The following ZNF681 variants were observed in gnomAD, a reference collection of about 807,000 sequenced individuals.
The protein encoded by ZNF681 is zinc finger protein 681, also known as hypothetical protein FLJ31526.
ZNF681 carries 37 observed loss-of-function variants against 56.0 expected under a neutral mutation model. That is an observed-to-expected ratio of 0.66 (90% CI 0.51 to 0.87). The LOEUF (loss-of-function observed/expected upper bound fraction) is 0.87, where lower values mean the gene tolerates loss of function less well. ZNF681 is among the 40% of genes least tolerant of loss of function. The probability of loss-of-function intolerance (pLI) is 0.00; values close to 1 mark genes in which losing one functional copy is unlikely to be tolerated. For missense variants in ZNF681, 741 were observed against 744.9 expected (o/e 0.99, Z 0.06); for synonymous variants, 225 against 248.6 (o/e 0.91, Z 0.89).
chr19:23,757,562 A>G (rs1460161274), intron 1 of ZNF681, among the ~76,000 whole-genome samples: 7 of 152,162 alleles, frequency 4.6e-5, no homozygotes, highest in Non-Finnish European at 1.0e-4. Flanking sequence ...TGCAAGCACT[A>G]GTTTTAATAA....
Position 23,745,182 on chromosome 19 carries a change from TGCAC to T in ZNF681, c.364_367del (p.Val122LysfsTer26). ...GTTAAGTCCATTATAACCTCCTTTTTGCACTTTGCACTCATCCACACTTTTACTT... is the reference window on the plus strand; with the variant it reads ...GTTAAGTCCATTATAACCTCCTTTTTTTTGCACTCATCCACACTTTTACTT... On this transcript the variant is annotated frameshift_variant, in exon 4 of 4. Transcript: ENST00000402377. LOFTEE classifies it high-confidence loss of function. The T allele has an allele frequency of 6.2e-7, 1 of 1,613,390 alleles. No homozygotes were observed.
chr19:23,756,326 C>CA (rs953794150), intron 1 of ZNF681, among the ~76,000 whole-genome samples: 2 of 149,878 alleles, frequency 1.3e-5, no homozygotes, highest in African/African-American at 2.5e-5. Flanking sequence ...CTCTGTCCCC[C>CA]CCCAAAAAAA....
In ZNF681 at chr19:23,744,324, A is replaced by G; in HGVS notation, c.1226T>C (p.Leu409Pro). The change falls in exon 4 of 4, where the codon CTT (leucine) becomes CCT (proline). Residue 409 changes from leucine to proline, a missense_variant. Coordinates refer to ENST00000402377, the MANE Select transcript of ZNF681 (RefSeq NM_138286.3). ...AGTATGAATGCTCTTATGTCTAGTA[A>G]GGTGTGAGGACTTGTTAAAAGCTTT... ...CGKAFNKSSH[L>P]TRHKSIHTGE... is the part of the protein sequence containing the mutation. 6.2e-7 allele frequency: 1 copy of G among 1,613,776 alleles called. No homozygotes were observed.
Position 23,752,870 on chromosome 19 carries a change from A to T in ZNF681, c.226+1953T>A, listed in dbSNP as rs149643132. ...GTCAATGCTTCTCTTTTAACAAAGA[A>T]CTGTTAGTACGTGGCAAAAGAATTA... On this transcript the variant is annotated intron_variant, in intron 3 of 3. Transcript: ENST00000402377. Among the ~76,000 whole-genome samples, 569 of 152,356 alleles carry T rather than the reference A, an allele frequency of 3.7e-3. 4 individuals are homozygous for T. The highest frequency in any genetic ancestry group is 0.013 in the African/African-American group (540 of 41,590).
chr19:23,749,607 TAAAA>T (rs75741075), intron 3 of ZNF681, among the ~76,000 whole-genome samples: 4 of 137,490 alleles, frequency 2.9e-5, no homozygotes, highest in Admixed American at 7.4e-5. Flanking sequence ...ATGCCTGGGT[TAAAA>T]AAAAAAAAAA....
rs1688026936 is a variant in ZNF681, at chr19:23,742,898, A to G, written c.*714T>C. 1 of 152,194 alleles carries G rather than the reference A, an allele frequency of 6.6e-6. No individual in the cohort carries two copies. The highest frequency in any genetic ancestry group is 2.1e-4 in the South Asian group (1 of 4,830). 9.4% of individuals were successfully genotyped at this position (152,194 alleles called of 1,614,324 possible). On this transcript the variant is annotated 3_prime_UTR_variant, in exon 4 of 4. Transcript: ENST00000402377. ...AATTTTCTACTTCTTATAATGTTAT[A>G]TACAAATAATTCATTTACCAACTTT...
intron 1 of ZNF681, among the ~76,000 whole-genome samples, chr19:23,758,093 G>A (rs908272474): frequency 6.6e-6 from 1 of 152,094 alleles, no homozygotes; most frequent in African/African-American, 2.4e-5. Flanking sequence ...TATATAAAGT[G>A]GCACAAATAG....
At chr19:23,753,970 A>G (rs1208654699) in intron 3 of ZNF681, among the ~76,000 whole-genome samples, 2 of 151,990 alleles carry the variant, frequency 1.3e-5, no homozygotes, top group African/African-American at 4.8e-5. Context: ...CAAGTCTAAA[A>G]TTTATATATG....
In ZNF681 at chr19:23,745,189, TGCA is replaced by T; in HGVS notation, c.358_360del (p.Cys120del). 6.2e-7 allele frequency: 1 copy of T among 1,613,356 alleles called. No individual in the cohort carries two copies. ...CCATTATAACCTCCTTTTTGCACTT[TGCA>T]CTCATCCACACTTTTACTTAACTGT... On this transcript the variant is annotated inframe_deletion, in exon 4 of 4. Coordinates refer to ENST00000402377, the MANE Select transcript of ZNF681 (RefSeq NM_138286.3).
rs1052867644 is a variant in ZNF681 at position 23,741,966 on chromosome 19, T to C, written c.*1646A>G. On this transcript the variant is annotated 3_prime_UTR_variant, in exon 4 of 4. Transcript: ENST00000402377. Reference sequence around the variant, plus strand: ...ATAATATTCTCTGACTTATTTGCAATTTAAAGCCACTGGCAAAACAGATTA... The same window carrying C: ...ATAATATTCTCTGACTTATTTGCAACTTAAAGCCACTGGCAAAACAGATTA... 1 of 152,118 alleles carries C rather than the reference T, an allele frequency of 6.6e-6. No homozygotes were observed. The highest frequency in any genetic ancestry group is 2.4e-5 in the African/African-American group (1 of 41,436). The allele number at this position is 152,118 out of a possible 1,614,324, so 9.4% of individuals were successfully genotyped here.
chr19:23,757,341 G>C lies in ZNF681; in HGVS notation c.3+1406C>G, dbSNP rs182654800. On this transcript the variant is annotated intron_variant, in intron 1 of 3. Coordinates refer to ENST00000402377, the MANE Select transcript of ZNF681 (RefSeq NM_138286.3). ...ACTGTTTAATAATTCCCAGGATTTA[G>C]ATGAAAAGCCCGGCATTTTTATTTC... Among the ~76,000 whole-genome samples, 27 of 152,150 alleles carry C rather than the reference G, an allele frequency of 1.8e-4. No individual in the cohort carries two copies. The East Asian group carries it at 2.5e-3, about 14-fold the overall frequency.
intron 3 of ZNF681, among the ~76,000 whole-genome samples, chr19:23,754,616 G>T (rs752207301): frequency 1.3e-5 from 2 of 152,164 alleles, no homozygotes; most frequent in Non-Finnish European, 2.9e-5. Context: ...AGTGAGCCCA[G>T]ACTGTTCCAC....
Position 23,742,025 on chromosome 19 carries a change from T to C in ZNF681, c.*1587A>G, listed in dbSNP as rs1387772113. 5 of 152,162 alleles carry C rather than the reference T, an allele frequency of 3.3e-5. No individual in the cohort carries two copies. The South Asian group carries it at 1.0e-3, about 32-fold the overall frequency. The allele number at this position is 152,162 out of a possible 1,614,324, so 9.4% of individuals were successfully genotyped here. On this transcript the variant is annotated 3_prime_UTR_variant, in exon 4 of 4. Transcript: ENST00000402377. ...GTTAGTCCATTATCTTATTAAATAG[T>C]GTATAGTTACCATCATTTACCTATA...
intron 3 of ZNF681, 48 bp downstream of exon 3, chr19:23,754,775 A>G: frequency 6.8e-7 from 1 of 1,462,890 alleles, no homozygotes; most frequent in African/African-American, 1.4e-5. Context: ...TTGACCTTTG[A>G]ACCGCTCATC....
At chr19:23,752,611 A>G (rs775588846) in intron 3 of ZNF681, among the ~76,000 whole-genome samples, 2 of 152,180 alleles carry the variant, frequency 1.3e-5, no homozygotes, top group Non-Finnish European at 2.9e-5. Flanking sequence ...TAAAGTGTTA[A>G]TTACAACTAC....
At chr19:23,746,475 T>C (rs1968946420) in intron 3 of ZNF681, among the ~76,000 whole-genome samples, 1 of 152,178 alleles carries the variant, frequency 6.6e-6, no homozygotes, top group South Asian at 2.1e-4. Context: ...TATGTGAACA[T>C]ATCACATGGT....
At chr19:23,751,739 G>A (rs529356923) in intron 3 of ZNF681, among the ~76,000 whole-genome samples, 100 of 151,864 alleles carry the variant, frequency 6.6e-4, no homozygotes, top group African/African-American at 2.1e-3. Flanking sequence ...AGGCTGGAGT[G>A]CAGTGGCACA....
chr19:23,754,768 AC>A, intron 3 of ZNF681, 54 bp downstream of exon 3: 1 of 1,397,206 alleles, frequency 7.2e-7, no homozygotes, highest in Non-Finnish European at 1.0e-6. Flanking sequence ...TTTTTCTTTG[AC>A]CTTTGAACCG....
chr19:23,757,090 C>A (rs1043231208), intron 1 of ZNF681, among the ~76,000 whole-genome samples: 5 of 151,920 alleles, frequency 3.3e-5, no homozygotes, highest in African/African-American at 4.8e-5. Flanking sequence ...AGGCTGGTCT[C>A]TTTGCCAGGC....
Sources: allele counts gnomAD v4.1 joint callset (sites outside exome capture counted in the v4.1 genomes callset), GRCh38; gene constraint gnomAD v4.1.1; transcripts MANE v1.5; gene names NCBI Gene and HGNC (gene_info 2026-07-23, HGNC 2026-07-21).